Variants in HPGDS observed in about 807,000 individuals in gnomAD.
HPGDS encodes the protein hematopoietic prostaglandin D synthase.
In HPGDS, 26 loss-of-function variants were observed where a neutral mutation model predicts 23.1. That is an observed-to-expected ratio of 1.13 (90% CI 0.83 to 1.56). The LOEUF (loss-of-function observed/expected upper bound fraction) is 1.56, where lower values mean the gene tolerates loss of function less well. Among genes scored for constraint, HPGDS ranks in the 40% most tolerant of loss-of-function variants. HPGDS has a pLI of 0.00. For synonymous variants in HPGDS, 95 were observed against 77.9 expected (o/e 1.22, Z -1.16); for missense variants, 268 against 236.4 (o/e 1.13, Z -0.88).
Position 94,334,496 on chromosome 4 carries a change from C to G in HPGDS, c.133+1G>C. On this transcript the variant is annotated splice_donor_variant, in intron 2 of 5. Coordinates refer to ENST00000295256, the MANE Select transcript of HPGDS (RefSeq NM_014485.3). LOFTEE classifies it high-confidence loss of function. ...CTACATTTATTATTTTTGCTACTTA[C>G]TTGATTTGATTTCAGGCCAGTCAGC... is the stretch of plus-strand genomic sequence containing the variant. 6.3e-7 allele frequency: 1 copy of G among 1,590,086 alleles called. No individual in the cohort carries two copies. The highest frequency in any genetic ancestry group is 8.5e-7 in the Non-Finnish European group (1 of 1,170,174).
intron 2 of HPGDS, among the ~76,000 whole-genome samples, chr4:94,318,715 T>A (rs76450480): frequency 0.025 from 3,764 of 152,178 alleles, 104 homozygotes; most frequent in African/African-American, 0.074. Context: ...GCTTATGGAT[T>A]AAAAAAATTT....
In HPGDS at chr4:94,334,565, A is replaced by T; in HGVS notation, c.65T>A (p.Phe22Tyr). The T allele has an allele frequency of 6.2e-7, 1 of 1,613,278 alleles. No individual in the cohort carries two copies. The highest frequency in any genetic ancestry group is 8.5e-7 in the Non-Finnish European group (1 of 1,179,432). Reference sequence around the variant, plus strand: ...TTCATACTGTATGTCCAAATAAGCAAATATGTAACGAATAATTTCTGCTCT... The same window carrying T: ...TTCATACTGTATGTCCAAATAAGCATATATGTAACGAATAATTTCTGCTCT... The part of the protein sequence containing the change: ...RGRAEIIRYI[F>Y]AYLDIQYEDH... The change falls in exon 2 of 6, where the codon TTT (phenylalanine) becomes TAT (tyrosine). Residue 22 changes from phenylalanine (F) to tyrosine (Y), a missense_variant. Transcript: ENST00000295256.
At chr4:94,302,573 T>C (rs1405627953) in intron 4 of HPGDS, among the ~76,000 whole-genome samples, 1 of 152,130 alleles carries the variant, frequency 6.6e-6, no homozygotes, top group East Asian at 1.9e-4. Flanking sequence ...TCTTTTTAGA[T>C]TCCTAAAATT....
chr4:94,321,957 A>G (rs1441472624), intron 2 of HPGDS, among the ~76,000 whole-genome samples: 1 of 152,186 alleles, frequency 6.6e-6, no homozygotes. Context: ...TAATTTATTG[A>G]GAGTTTTTAG....
intron 2 of HPGDS, among the ~76,000 whole-genome samples, chr4:94,329,836 T>C (rs1374764229): frequency 6.6e-6 from 1 of 152,170 alleles, no homozygotes; most frequent in Non-Finnish European, 1.5e-5. Context: ...CCCAGTGTTG[T>C]TGGAGGTGTC....
intron 2 of HPGDS, among the ~76,000 whole-genome samples, chr4:94,325,186 G>T (rs1027147683): frequency 6.6e-6 from 1 of 152,194 alleles, no homozygotes; most frequent in Non-Finnish European, 1.5e-5. Flanking sequence ...TGTATGAGGT[G>T]TCAGTCAGCC....
At chr4:94,333,273 T>C (rs558500616) in intron 2 of HPGDS, among the ~76,000 whole-genome samples, 3 of 152,222 alleles carry the variant, frequency 2.0e-5, no homozygotes, top group Non-Finnish European at 4.4e-5. Flanking sequence ...GTGCAAATGA[T>C]TATCCACAAT....
chr4:94,310,042 A>T (rs1006121088), intron 3 of HPGDS, among the ~76,000 whole-genome samples: 2 of 152,158 alleles, frequency 1.3e-5, no homozygotes, highest in African/African-American at 4.8e-5. Context: ...CCTTTGTCAG[A>T]TGAGTAGATT....
intron 1 of HPGDS, among the ~76,000 whole-genome samples, 196 bp downstream of exon 1, chr4:94,342,599 A>G (rs1721194489): frequency 6.6e-6 from 1 of 152,214 alleles, no homozygotes; most frequent in African/African-American, 2.4e-5. Context: ...ATTTCCTTAA[A>G]AATGACTATT....
At position 94,308,664 on chromosome 4, in the gene HPGDS, A is replaced by G; in HGVS notation, c.306T>C (p.Phe102=). The part of the protein sequence containing the change: ...VDTLDDFMSC[F]PWAEKKQDVK... ...CATCTTGCTTTTTCTCTGCCCAAGG[A>G]AAACATGACATGAAATCATCCAGAG... Residue 102 remains phenylalanine, a synonymous_variant, in exon 4 of 6, where the codon TTT becomes TTC. Transcript: ENST00000295256. The G allele has an allele frequency of 6.2e-7, 1 of 1,605,950 alleles. No individual in the cohort carries two copies. The highest frequency in any genetic ancestry group is 2.2e-5 in the East Asian group (1 of 44,640).
At chr4:94,300,917 G>GAC (rs1287960507) in intron 5 of HPGDS, among the ~76,000 whole-genome samples, 3 of 152,172 alleles carry the variant, frequency 2.0e-5, no homozygotes, top group African/African-American at 7.2e-5. Context: ...AGGTCTGAGG[G>GAC]ACACACACAC....
At chr4:94,312,532 A>G (rs1437194318) in intron 3 of HPGDS, among the ~76,000 whole-genome samples, 1 of 152,074 alleles carries the variant, frequency 6.6e-6, no homozygotes, top group African/African-American at 2.4e-5. Context: ...GTTCTTTTAC[A>G]TTTGCTGAGG....
At chr4:94,332,318 C>T (rs1579447461) in intron 2 of HPGDS, among the ~76,000 whole-genome samples, 2 of 152,190 alleles carry the variant, frequency 1.3e-5, no homozygotes, top group Admixed American at 1.3e-4. Flanking sequence ...TGGACAACAG[C>T]TTGGGACCCA....
intron 4 of HPGDS, among the ~76,000 whole-genome samples, chr4:94,307,098 AC>A (rs1225901185): frequency 6.6e-6 from 1 of 152,100 alleles, no homozygotes; most frequent in Non-Finnish European, 1.5e-5. Flanking sequence ...AAACTTCTCA[AC>A]AGCCTTTCAA....
chr4:94,324,291 A>G (rs1205791072), intron 2 of HPGDS, among the ~76,000 whole-genome samples: 1 of 151,934 alleles, frequency 6.6e-6, no homozygotes, highest in Non-Finnish European at 1.5e-5. Flanking sequence ...TATTTCCTGA[A>G]TTTGCATGTT....
At chr4:94,302,846 T>C (rs1756069915) in intron 4 of HPGDS, among the ~76,000 whole-genome samples, 1 of 152,098 alleles carries the variant, frequency 6.6e-6, no homozygotes, top group Non-Finnish European at 1.5e-5. Flanking sequence ...ACAAATATTA[T>C]TTAAAAATTA....
intron 4 of HPGDS, among the ~76,000 whole-genome samples, chr4:94,308,274 T>G (rs1756176930): frequency 6.6e-6 from 1 of 152,146 alleles, no homozygotes. Flanking sequence ...TTTGGGGCAT[T>G]TTGGACTTCA....
At chr4:94,319,463 T>C (rs1038922957) in intron 2 of HPGDS, among the ~76,000 whole-genome samples, 3 of 152,228 alleles carry the variant, frequency 2.0e-5, no homozygotes, top group Non-Finnish European at 4.4e-5. Flanking sequence ...ATTTTGTTTT[T>C]GATTCAGCCA....
intron 5 of HPGDS, among the ~76,000 whole-genome samples, chr4:94,300,877 C>CGTA (rs1415462495): frequency 1.3e-5 from 2 of 152,032 alleles, no homozygotes. Flanking sequence ...TAGGGAAATG[C>CGTA]GTAAAGGCCC....
Sources: gnomAD v4.1 joint callset for allele counts (sites outside exome capture counted in the v4.1 genomes callset) on GRCh38, gnomAD v4.1.1 for gene constraint, MANE v1.5 for transcripts, NCBI Gene and HGNC (gene_info 2026-07-23, HGNC 2026-07-21) for gene names.